Variants in SLC22A8 observed in about 807,000 individuals in gnomAD.
SLC22A8 encodes the protein organic anion transporter 3.
SLC22A8 carries 40 observed loss-of-function variants against 48.4 expected under a neutral mutation model. The observed-to-expected ratio is 0.83, with a 90% confidence interval of 0.64 to 1.08. The LOEUF (loss-of-function observed/expected upper bound fraction) is 1.08, where lower values mean the gene tolerates loss of function less well. Ranked by LOEUF, SLC22A8 falls within the 50% of genes least tolerant of loss-of-function variation. SLC22A8 has a pLI of 0.00. For missense variants in SLC22A8, 606 were observed against 699.0 expected (o/e 0.87, Z 1.50); for synonymous variants, 268 against 286.3 (o/e 0.94, Z 0.65).
In SLC22A8 at chr11:62,994,558, G is replaced by T; in HGVS notation, c.1200C>A (p.Leu400=). 6.2e-7 allele frequency: 1 copy of T among 1,609,584 alleles called. No homozygotes were observed. Among genetic ancestry groups the T allele is most frequent in the South Asian group, 1.1e-5 (1 of 90,196 alleles). Residue 400 remains leucine, a synonymous_variant, in exon 8 of 11, where the codon CTC becomes CTA. Coordinates refer to ENST00000336232, the MANE Select transcript of SLC22A8 (RefSeq NM_004254.4). ...LLLAGGAILA[L]TFVPLDLQTV... ...GTCTCTCACCCAAGGGCACAAAGGT[G>T]AGAGCCAAGATGGCCCCTCCTGCCA... is the stretch of plus-strand genomic sequence containing the variant.
At position 62,994,889 on chromosome 11, in the gene SLC22A8, G is replaced by T. The variant is rs938274004; in HGVS notation, c.1002-133C>A. On this transcript the variant is annotated intron_variant, in intron 7 of 10. Transcript: ENST00000336232. ...CTGCAACTGATGATAGGGGCTGCTT[G>T]AGTGTCCTTTTGAGGTTTCTGAGAT... 23 of 706,782 alleles carry T rather than the reference G, an allele frequency of 3.3e-5. No homozygotes were observed. In the African/African-American group the frequency reaches 3.8e-4, roughly 12 times the overall value. 43.8% of individuals were successfully genotyped at this position (706,782 alleles called of 1,614,324 possible). A position where few individuals can be genotyped will look rare whatever the true frequency, so the allele number is the denominator to read the frequency against.
chr11:62,999,889 G>A, intron 3 of SLC22A8, 47 bp from the exon 4 acceptor site: 1 of 1,409,700 alleles, frequency 7.1e-7, no homozygotes, highest in Non-Finnish European at 9.3e-7. Context: ...CAGTGTGCCT[G>A]CCAAGAGGAG....
chr11:63,001,934 T>A (rs1460464928), intron 2 of SLC22A8, among the ~76,000 whole-genome samples: 5 of 151,420 alleles, frequency 3.3e-5, no homozygotes, highest in Admixed American at 6.6e-5. Flanking sequence ...ATTAAATTAA[T>A]TTTTTTTTGA....
chr11:63,009,077 G>A (rs2086588104), intron 2 of SLC22A8, among the ~76,000 whole-genome samples: 1 of 152,140 alleles, frequency 6.6e-6, no homozygotes, highest in Non-Finnish European at 1.5e-5. Context: ...TTTGGGTGGG[G>A]CTCTCAGGCC....
intron 2 of SLC22A8, among the ~76,000 whole-genome samples, chr11:63,003,125 C>G (rs762408322): frequency 6.6e-5 from 10 of 152,214 alleles, no homozygotes; most frequent in Non-Finnish European, 1.3e-4. Flanking sequence ...TGAGGCCCTC[C>G]ATGCTCTGGC....
Position 63,014,943 on chromosome 11 carries a change from T to C in SLC22A8, c.16A>G (p.Ile6Val). 2 of 1,551,430 alleles carry C rather than the reference T, an allele frequency of 1.3e-6. No individual in the cohort carries two copies. The highest frequency in any genetic ancestry group is 1.7e-6 in the Non-Finnish European group (2 of 1,143,650). Reference protein sequence around the residue: MTFSEILDRVGSMGHF... With the variant: MTFSEVLDRVGSMGHF... ...CCCATGCTTCCCACACGGTCCAGGA[T>C]CTCCGAGAAGGTCATGGCACTGGGG... The change falls in exon 2 of 11, where the codon ATC (isoleucine) becomes GTC (valine). Residue 6 changes from isoleucine to valine, a missense_variant. Physicochemically the swap from Ile to Val is conservative, Grantham distance 29 (BLOSUM62 3). Coordinates refer to ENST00000336232, the MANE Select transcript of SLC22A8 (RefSeq NM_004254.4).
intron 3 of SLC22A8, among the ~76,000 whole-genome samples, chr11:63,000,488 A>AG (rs1460112386): frequency 5.5e-5 from 7 of 126,760 alleles, no homozygotes; most frequent in Non-Finnish European, 8.4e-5. Context: ...CCGTCTTAAG[A>AG]GAAAAAAAAA....
chr11:63,003,498 G>C (rs2086521849), intron 2 of SLC22A8, among the ~76,000 whole-genome samples: 2 of 152,118 alleles, frequency 1.3e-5, no homozygotes, highest in East Asian at 3.9e-4. Context: ...AAGAAGCAAG[G>C]GGGTGTGAGG....
intron 7 of SLC22A8, chr11:62,995,430 A>G (rs1590688265): frequency 4.0e-6 from 2 of 506,122 alleles, no homozygotes; most frequent in South Asian, 5.0e-5. Flanking sequence ...AGCGGCAGGG[A>G]TGTGAGCTGG....
chr11:62,998,264 C>T (rs955704270), intron 5 of SLC22A8, among the ~76,000 whole-genome samples: 3 of 152,082 alleles, frequency 2.0e-5, no homozygotes, highest in Admixed American at 6.5e-5. Context: ...CTCTGACTAC[C>T]TTCTAAAGAC....
intron 7 of SLC22A8, 35 bp from the exon 8 acceptor site, chr11:62,994,791 G>A (rs745865929): frequency 6.5e-7 from 1 of 1,544,504 alleles, no homozygotes; most frequent in South Asian, 1.1e-5. Context: ...AGCACCTGCA[G>A]CCAGGCAGAG....
At chr11:63,004,552 TC>T (rs2086533663) in intron 2 of SLC22A8, among the ~76,000 whole-genome samples, 1 of 152,222 alleles carries the variant, frequency 6.6e-6, no homozygotes, top group Non-Finnish European at 1.5e-5. Context: ...TCAAATGTTA[TC>T]TTCTCAGTGA....
At chr11:63,000,150 G>A (rs528642158) in intron 3 of SLC22A8, among the ~76,000 whole-genome samples, 5 of 152,262 alleles carry the variant, frequency 3.3e-5, no homozygotes, top group South Asian at 2.1e-4. Flanking sequence ...CAGCCACTAC[G>A]CTGTGTCCCA....
Position 63,000,823 on chromosome 11 carries a change from A to G in SLC22A8, c.334T>C (p.Trp112Arg), listed in dbSNP as rs745877843. The part of the protein sequence containing the change: ...NSTKDSIVTE[W>R]DLVCNSNKLK... ...TTGTTGGAGTTGCACACCAAGTCCC[A>G]CTGCACAAGAGAAAGGTAGGGCTAG... is the stretch of plus-strand genomic sequence containing the variant. Residue 112 changes from tryptophan (W) to arginine (R), a missense_variant and splice_region_variant, in exon 3 of 11, where the codon TGG becomes CGG. Trp to Arg is a moderately radical substitution (Grantham distance 101). Coordinates refer to ENST00000336232, the MANE Select transcript of SLC22A8 (RefSeq NM_004254.4). 6.2e-7 allele frequency: 1 copy of G among 1,611,738 alleles called. No homozygotes were observed. The highest frequency in any genetic ancestry group is 1.7e-5 in the Admixed American group (1 of 60,024).
At chr11:62,995,596 T>G (rs1487625250) in intron 7 of SLC22A8, 108 bp downstream of exon 7, 17 of 778,268 alleles carry the variant, frequency 2.2e-5, no homozygotes, top group Non-Finnish European at 3.5e-5. Context: ...GAGGGGATTC[T>G]CTGACTTCTC....
chr11:62,995,635 G>C lies in SLC22A8; in HGVS notation c.1001+69C>G. ...CAGATGCCCTAGGCCTTGCCCTTAA[G>C]TGAGCCTACTGGAGGCCTTGTCTAT... is the stretch of plus-strand genomic sequence containing the variant. On this transcript the variant is annotated intron_variant, in intron 7 of 10. Transcript: ENST00000336232. 1.2e-5 allele frequency: 14 copies of C among 1,129,766 alleles called. No individual in the cohort carries two copies. The South Asian group carries it at 1.6e-4, about 13-fold the overall frequency. 70.0% of individuals were successfully genotyped at this position (1,129,766 alleles called of 1,614,324 possible).
At chr11:63,003,527 G>A (rs965035804) in intron 2 of SLC22A8, among the ~76,000 whole-genome samples, 1 of 152,238 alleles carries the variant, frequency 6.6e-6, no homozygotes, top group East Asian at 1.9e-4. Context: ...TGTGCAAGGG[G>A]CCATCTAGAG....
chr11:62,996,091 T>A lies in SLC22A8; in HGVS notation c.823A>T (p.Ile275Leu). The A allele has an allele frequency of 3.1e-6, 5 of 1,613,992 alleles. No individual in the cohort carries two copies. Among genetic ancestry groups the A allele is most frequent in the Non-Finnish European group, 4.2e-6 (5 of 1,179,958 alleles). Residue 275 changes from isoleucine (I) to leucine (L), a missense_variant, in exon 6 of 11, where the codon ATA (isoleucine) becomes TTA (leucine). Coordinates refer to ENST00000336232, the MANE Select transcript of SLC22A8 (RefSeq NM_004254.4). Reference sequence around the variant, plus strand: ...TTGAAGACAGCCACCCGCCGGAGTATCTTCAGGGCCTTCGAGGACTTTCCA... The same window carrying A: ...TTGAAGACAGCCACCCGCCGGAGTAACTTCAGGGCCTTCGAGGACTTTCCA... ...LSGKSSKALK[I>L]LRRVAVFNGK...
chr11:62,996,944 G>A (rs78178847), intron 5 of SLC22A8, among the ~76,000 whole-genome samples: 1,931 of 152,368 alleles, frequency 0.013, 12 homozygotes, highest in Middle Eastern at 0.027. Context: ...CCCTCAGGGA[G>A]TGGACATTGG....
Sources: gnomAD v4.1 joint callset for allele counts (sites outside exome capture counted in the v4.1 genomes callset) on GRCh38, gnomAD v4.1.1 for gene constraint, MANE v1.5 for transcripts, NCBI Gene and HGNC (gene_info 2026-07-23, HGNC 2026-07-21) for gene names.